SUCO: variants seen among roughly 807,000 people sequenced by gnomAD.
SUCO encodes the protein SUN domain containing ossification factor, also known as SUN domain-containing ossification factor.
In SUCO, 57 loss-of-function variants were observed where a neutral mutation model predicts 148.1. That is an observed-to-expected ratio of 0.38 (90% CI 0.31 to 0.48). The LOEUF is 0.48. Among genes scored for constraint, SUCO ranks in the 20% least tolerant of loss-of-function variants. The pLI is 0.96. For missense variants in SUCO, 1,331 were observed against 1,468.2 expected, an observed-to-expected ratio of 0.91 and a Z score of 1.53; for synonymous variants, 470 against 502.7, an observed-to-expected ratio of 0.93 and a Z score of 0.87.
chr1:172,538,389 G>T (rs1652183018), intron 1 of SUCO, among the ~76,000 whole-genome samples: 1 of 151,898 alleles, frequency 6.6e-6, no homozygotes, highest in Non-Finnish European at 1.5e-5. Context: ...ATGATTGCTG[G>T]TCTATTAATA....
intron 6 of SUCO, among the ~76,000 whole-genome samples, chr1:172,558,319 C>A (rs1385255108): frequency 6.6e-6 from 1 of 152,140 alleles, no homozygotes; most frequent in South Asian, 2.1e-4. Flanking sequence ...GTTTTACTTT[C>A]TTTTCTCCTT....
intron 1 of SUCO, 47 bp downstream of exon 1, chr1:172,533,544 G>T (rs1427118640): frequency 6.7e-7 from 1 of 1,495,114 alleles, no homozygotes; most frequent in East Asian, 2.5e-5. Flanking sequence ...GGAGTAAATG[G>T]GAGGGAGCAG....
At position 172,592,763 on chromosome 1, in the gene SUCO, C is replaced by G. The variant is rs547699151; in HGVS notation, c.2913+1692C>G. Among the ~76,000 whole-genome samples, 5 of 152,220 alleles carry G rather than the reference C, an allele frequency of 3.3e-5. No individual in the cohort carries two copies. In the South Asian group the frequency reaches 1.0e-3, roughly 32 times the overall value. ...TAGGATTGTCTTGGCAATGTGGGCT[C>G]TTTTTTGGTTCCTTATGAACTTTAA... On this transcript the variant is annotated intron_variant, in intron 19 of 23. Coordinates refer to ENST00000263688, the MANE Select transcript of SUCO (RefSeq NM_014283.5).
At chr1:172,552,681 C>T in intron 2 of SUCO, 1 of 951,644 alleles carries the variant, frequency 1.1e-6, no homozygotes, top group South Asian at 4.9e-5. Flanking sequence ...TATTTTCACC[C>T]ACACAGTATA....
chr1:172,562,327 ATTTTTTT>A (rs34871543), intron 6 of SUCO, among the ~76,000 whole-genome samples: 2 of 137,700 alleles, frequency 1.5e-5, no homozygotes, highest in East Asian at 2.1e-4. Context: ...GGGTTTTAAC[ATTTTTTT>A]TTTTTTTTTT....
chr1:172,606,034 A>T (rs1329548103), intron 22 of SUCO, among the ~76,000 whole-genome samples: 1 of 151,604 alleles, frequency 6.6e-6, no homozygotes, highest in East Asian at 1.9e-4. Flanking sequence ...TTCCATTTTT[A>T]ATGTTACAAA....
chr1:172,604,198 C>T (rs1250671062), intron 22 of SUCO, among the ~76,000 whole-genome samples: 3 of 151,906 alleles, frequency 2.0e-5, no homozygotes, highest in Admixed American at 6.6e-5. Flanking sequence ...TAAGTGAAAT[C>T]GTGACTATCT....
chr1:172,589,887 T>G lies in SUCO; in HGVS notation c.2786T>G (p.Met929Arg), dbSNP rs1656515692. 6.5e-7 allele frequency: 1 copy of G among 1,545,624 alleles called. No homozygotes were observed. The highest frequency in any genetic ancestry group is 1.4e-5 in the African/African-American group (1 of 72,198). The change falls in exon 18 of 24, where the codon ATG becomes AGG. Residue 929 changes from methionine (M) to arginine (R), a missense_variant. By Grantham distance (91) the Met-to-Arg change is moderately conservative (BLOSUM62 -1). This residue lies in a region of SUCO where 992 missense variants were observed against 1,093.5 expected (regional missense o/e 0.91). Transcript: ENST00000263688. ...NNRIKALEVN[M>R]SLSGRYLEEL... is the part of the protein sequence containing the mutation. ...CGTATTAAAGCCTTAGAAGTTAACA[T>G]GTCTCTCAGTGGTCGCTATCTGGAG...
At position 172,611,824 on chromosome 1, in the gene SUCO, T is replaced by G. The variant is rs1658231291; in HGVS notation, c.*1565T>G. 1 of 152,652 alleles carries G rather than the reference T, an allele frequency of 6.6e-6. No homozygotes were observed. 9.5% of individuals were successfully genotyped at this position (152,652 alleles called of 1,614,324 possible). ...ATTTCCAAATAAATCTGAACACTTG[T>G]CTTTATTAATTACTGGCTCTTCTGT... On this transcript the variant is annotated 3_prime_UTR_variant, in exon 24 of 24. Transcript: ENST00000263688.
At chr1:172,577,674 G>A in intron 12 of SUCO, 90 bp from the exon 13 acceptor site, 2 of 1,575,052 alleles carry the variant, frequency 1.3e-6, no homozygotes, top group Admixed American at 3.7e-5. Flanking sequence ...GAAATGTTTA[G>A]AAATGTTATA....
chr1:172,537,557 C>T (rs987889830), intron 1 of SUCO, among the ~76,000 whole-genome samples: 5 of 152,284 alleles, frequency 3.3e-5, no homozygotes, highest in East Asian at 1.9e-4. Flanking sequence ...ACTGGGGAAA[C>T]ATAAACCACA....
upstream of SUCO, chr1:172,532,705 C>A: frequency 1.9e-6 from 3 of 1,613,934 alleles, no homozygotes; most frequent in Non-Finnish European, 2.5e-6. Flanking sequence ...ACCATGGATT[C>A]TAGGAGGGAC....
At chr1:172,551,346 G>A (rs981950516) in intron 1 of SUCO, among the ~76,000 whole-genome samples, 166 bp from the exon 2 acceptor site, 4 of 152,004 alleles carry the variant, frequency 2.6e-5, no homozygotes, top group African/African-American at 9.7e-5. Context: ...TTTCTTATAC[G>A]TATTGATTTT....
At chr1:172,596,663 G>A (rs1215574071) in intron 19 of SUCO, among the ~76,000 whole-genome samples, 2 of 152,186 alleles carry the variant, frequency 1.3e-5, no homozygotes, top group Non-Finnish European at 2.9e-5. Context: ...TCTCAGAGGG[G>A]CACCCGGCCC....
intron 22 of SUCO, among the ~76,000 whole-genome samples, chr1:172,607,418 C>A (rs1657930124): frequency 6.6e-6 from 1 of 151,900 alleles, no homozygotes; most frequent in Non-Finnish European, 1.5e-5. Context: ...CCTTTGGAGT[C>A]TCAGTTTACT....
Position 172,610,480 on chromosome 1 carries a change from CATTTT to C in SUCO, c.*224_*228del, listed in dbSNP as rs1658149228. ...CACTTCCTATAAGGACAATGGTAGA[CATTTT>C]ATAAAGATGTTTTTTCACAAGATTA... is the stretch of plus-strand genomic sequence containing the variant. On this transcript the variant is annotated 3_prime_UTR_variant, in exon 24 of 24. Coordinates refer to ENST00000263688, the MANE Select transcript of SUCO (RefSeq NM_014283.5). 5 of 534,914 alleles carry C rather than the reference CATTTT, an allele frequency of 9.3e-6. No individual in the cohort carries two copies. The highest frequency in any genetic ancestry group is 4.2e-5 in the Admixed American group (1 of 24,044). 33.1% of individuals were successfully genotyped at this position (534,914 alleles called of 1,614,324 possible).
At position 172,609,912 on chromosome 1, in the gene SUCO, C is replaced by T; in HGVS notation, c.3418C>T (p.Pro1140Ser). The T allele has an allele frequency of 6.2e-7, 1 of 1,613,888 alleles. No homozygotes were observed. Among genetic ancestry groups the T allele is most frequent in the Non-Finnish European group, 8.5e-7 (1 of 1,179,850 alleles). Residue 1140 changes from proline to serine, a missense_variant, in exon 24 of 24, where the codon CCC (proline) becomes TCC (serine). Physicochemically the swap from Pro to Ser is moderately conservative, Grantham distance 74. Transcript: ENST00000263688. Reference protein sequence around the residue: ...IANGDIKGRKPFTNQRDFSNM... With the variant: ...IANGDIKGRKSFTNQRDFSNM... ...CAATGGCGACATAAAAGGAAGAAAG[C>T]CCTTTACGAACCAGAGAGATTTTTC...
At chr1:172,539,039 A>G (rs139840957) in intron 1 of SUCO, among the ~76,000 whole-genome samples, 161 of 152,336 alleles carry the variant, frequency 1.1e-3, no homozygotes, top group African/African-American at 3.6e-3. Flanking sequence ...CAATGGAAAA[A>G]ATAAAAGGTA....
chr1:172,601,941 T>G, intron 20 of SUCO, 123 bp from the exon 21 acceptor site: 1 of 957,144 alleles, frequency 1.0e-6, no homozygotes, highest in East Asian at 2.8e-5. Flanking sequence ...TGCCCTGCAT[T>G]TCTGGTCTTT....
Sources: gnomAD v4.1 joint callset for allele counts (sites outside exome capture counted in the v4.1 genomes callset) on GRCh38, gnomAD v4.1.1 for gene constraint, gnomAD v4.1.1 regional missense constraint, MANE v1.5 for transcripts, NCBI Gene and HGNC (gene_info 2026-07-23, HGNC 2026-07-21) for gene names.